The following UBE2E3 variants were observed in gnomAD, a reference collection of about 807,000 sequenced individuals.
UBE2E3 encodes ubiquitin conjugating enzyme E2 E3, also known as ubiquitin-conjugating enzyme E2 E3.
Under a neutral mutation model 23.6 loss-of-function variants are expected in UBE2E3, and 5 were observed. That is an observed-to-expected ratio of 0.21 (90% CI 0.11 to 0.44). UBE2E3 has a LOEUF of 0.44. Among genes scored for constraint, UBE2E3 ranks in the 20% least tolerant of loss-of-function variants. The pLI is 0.99. For synonymous variants in UBE2E3, 78 were observed against 87.5 expected (o/e 0.89, Z 0.60); for missense variants, 81 against 249.8 (o/e 0.32, Z 4.55).
At chr2:181,013,435 C>A (rs1685392275) in intron 3 of UBE2E3, among the ~76,000 whole-genome samples, 1 of 150,670 alleles carries the variant, frequency 6.6e-6, no homozygotes. Context: ...GTGGCTCACT[C>A]ACATAAAAAG....
intron 1 of UBE2E3, 90 bp downstream of exon 1, chr2:180,981,063 C>T (rs992439478): frequency 1.4e-5 from 2 of 146,484 alleles, no homozygotes; most frequent in African/African-American, 2.5e-5. Flanking sequence ...GCTTTGTTCG[C>T]GCCGGGCGCC....
chr2:181,045,168 C>G (rs1349544437), intron 3 of UBE2E3, among the ~76,000 whole-genome samples: 1 of 152,160 alleles, frequency 6.6e-6, no homozygotes, highest in African/African-American at 2.4e-5. Context: ...AGCAAAATTA[C>G]TTGTGCTGTG....
intron 3 of UBE2E3, among the ~76,000 whole-genome samples, chr2:181,026,396 A>G (rs1685885943): frequency 6.6e-6 from 1 of 151,714 alleles, no homozygotes; most frequent in African/African-American, 2.4e-5. Context: ...AAATAACTGC[A>G]GTCTCTCATA....
intron 3 of UBE2E3, among the ~76,000 whole-genome samples, chr2:181,043,364 G>A (rs979704174): frequency 2.0e-5 from 3 of 152,176 alleles, no homozygotes; most frequent in Admixed American, 6.5e-5. Context: ...CTGAGATACA[G>A]TGCTTTCTGA....
chr2:181,030,575 A>G (rs1686044391), intron 3 of UBE2E3, among the ~76,000 whole-genome samples: 1 of 152,102 alleles, frequency 6.6e-6, no homozygotes, highest in Non-Finnish European at 1.5e-5. Context: ...TACTGGCCTC[A>G]GAGAAAAAAA....
intron 2 of UBE2E3, 50 bp downstream of exon 2, chr2:180,982,286 G>C: frequency 1.3e-6 from 2 of 1,551,076 alleles, no homozygotes; most frequent in Non-Finnish European, 1.7e-6. Flanking sequence ...TGTCTTCCAG[G>C]TGGTTGGACG....
chr2:181,017,549 C>T (rs1353317975), intron 3 of UBE2E3, among the ~76,000 whole-genome samples: 1 of 151,762 alleles, frequency 6.6e-6, no homozygotes, highest in Non-Finnish European at 1.5e-5. Flanking sequence ...CTAAAGTCAC[C>T]TCATGGAAAT....
chr2:181,018,616 TC>T (rs200807003), intron 3 of UBE2E3, among the ~76,000 whole-genome samples: 3 of 148,280 alleles, frequency 2.0e-5, no homozygotes, highest in Admixed American at 2.0e-4. Context: ...TTTTTTTTTT[TC>T]CATTAGTGAG....
chr2:180,981,671 C>T (rs1312916461), intron 1 of UBE2E3, among the ~76,000 whole-genome samples: 1 of 152,152 alleles, frequency 6.6e-6, no homozygotes, highest in East Asian at 1.9e-4. Flanking sequence ...CATTTTTCAG[C>T]GAGATCTGTT....
chr2:181,006,223 A>G (rs1268913607), intron 3 of UBE2E3, among the ~76,000 whole-genome samples: 1 of 152,164 alleles, frequency 6.6e-6, no homozygotes, highest in East Asian at 1.9e-4. Context: ...TTGAGCACAA[A>G]TAGTACAGAA....
intron 3 of UBE2E3, among the ~76,000 whole-genome samples, chr2:181,029,782 ATATTGATG>A (rs61638881): frequency 0.23 from 34,579 of 148,270 alleles, 4,333 homozygotes; most frequent in Non-Finnish European, 0.28. Context: ...GTCATCTTTA[ATATTGATG>A]TTTGGCGTGG....
At chr2:181,010,049 C>G (rs1293459277) in intron 3 of UBE2E3, among the ~76,000 whole-genome samples, 4 of 152,156 alleles carry the variant, frequency 2.6e-5, no homozygotes, top group African/African-American at 9.6e-5. Flanking sequence ...TGAACAGATT[C>G]TAGTCACATG....
intron 3 of UBE2E3, among the ~76,000 whole-genome samples, chr2:181,021,419 CCCTTCCTCCCTT>C (rs1559124131): frequency 1.6e-4 from 22 of 134,376 alleles, no homozygotes; most frequent in Admixed American, 1.3e-3. Context: ...CTCCCTCCCT[CCCTTCCTCCCTT>C]CCTTCCTTTC....
In UBE2E3 at chr2:181,041,525, G is replaced by C. The variant is rs551611399; in HGVS notation, c.246-16168G>C. ...GCACAACCGGCTCACTGCAACCTCT[G>C]CCTCCCAGGTCCAAGCAATTCTCCT... On this transcript the variant is annotated intron_variant, in intron 3 of 5. Transcript: ENST00000410062. 4.6e-5 allele frequency among the ~76,000 whole-genome samples: 7 copies of C among 151,620 alleles called. No homozygotes were observed. The South Asian group carries it at 1.3e-3, about 27-fold the overall frequency.
chr2:181,010,387 C>G (rs1048996305), intron 3 of UBE2E3, among the ~76,000 whole-genome samples: 2 of 152,020 alleles, frequency 1.3e-5, no homozygotes, highest in Non-Finnish European at 2.9e-5. Flanking sequence ...GTCACTTTAG[C>G]TGGTAAGAGT....
chr2:180,993,359 T>C (rs1218957911), intron 3 of UBE2E3, among the ~76,000 whole-genome samples: 3 of 152,130 alleles, frequency 2.0e-5, no homozygotes, highest in Non-Finnish European at 4.4e-5. Flanking sequence ...GCTTTTGGAC[T>C]AGTTATGCCA....
At chr2:180,999,310 G>A (rs910525081) in intron 3 of UBE2E3, among the ~76,000 whole-genome samples, 18 of 152,160 alleles carry the variant, frequency 1.2e-4, no homozygotes, top group Non-Finnish European at 7.4e-5. Flanking sequence ...ACCAAAAAAA[G>A]CATTTGGTAT....
At chr2:181,028,507 A>G (rs1685969501) in intron 3 of UBE2E3, among the ~76,000 whole-genome samples, 1 of 152,122 alleles carries the variant, frequency 6.6e-6, no homozygotes, top group Non-Finnish European at 1.5e-5. Flanking sequence ...ACTGATACAC[A>G]TTTCCACCAG....
At chr2:181,027,084 C>T (rs1685916797) in intron 3 of UBE2E3, among the ~76,000 whole-genome samples, 1 of 151,892 alleles carries the variant, frequency 6.6e-6, no homozygotes, top group Non-Finnish European at 1.5e-5. Flanking sequence ...TAGGAATGTT[C>T]TTAATAATCT....
Sources: allele counts gnomAD v4.1 joint callset (sites outside exome capture counted in the v4.1 genomes callset), GRCh38; gene constraint gnomAD v4.1.1; transcripts MANE v1.5; gene names NCBI Gene and HGNC (gene_info 2026-07-23, HGNC 2026-07-21).